Variants in EGLN1 observed in about 807,000 individuals in gnomAD.
EGLN1 encodes egl nine homolog 1.
EGLN1 carries 17 observed loss-of-function variants against 38.3 expected under a neutral mutation model. The ratio of observed to expected loss-of-function variants is 0.44; its 90% CI spans 0.30 to 0.67. The LOEUF is 0.67. Ranked by LOEUF, EGLN1 falls within the 30% of genes least tolerant of loss-of-function variation. The pLI, the probability that EGLN1 is intolerant of heterozygous loss-of-function variation, is 0.08. For missense variants in EGLN1, 477 were observed against 603.3 expected (o/e 0.79, Z 2.19); for synonymous variants, 283 against 257.5 (o/e 1.10, Z -0.95).
intron 1 of EGLN1, among the ~76,000 whole-genome samples, chr1:231,420,607 C>T (rs180982174): frequency 6.6e-6 from 1 of 152,314 alleles, no homozygotes; most frequent in East Asian, 1.9e-4. Flanking sequence ...AAACACAAGG[C>T]AGATGCAGAA....
At chr1:231,415,914 C>T (rs1572053081) in intron 1 of EGLN1, among the ~76,000 whole-genome samples, 1 of 151,358 alleles carries the variant, frequency 6.6e-6, no homozygotes, top group East Asian at 2.0e-4. Context: ...GTGGCACAAT[C>T]CCGGCTCACT....
chr1:231,421,895 G>C lies in EGLN1; in HGVS notation c.-7C>G. On this transcript the variant is annotated 5_prime_UTR_variant, in exon 1 of 5. Transcript: ENST00000366641. The surrounding 1 kb of genome is among the most constrained non-coding windows in gnomAD (Gnocchi z 5.5). ...CGCCGCTGTCATTGGCCATGGCGGCGGCGGCGGCGGCGACGGCGACTGCGG... is the reference window on the plus strand; with the variant it reads ...CGCCGCTGTCATTGGCCATGGCGGCCGCGGCGGCGGCGACGGCGACTGCGG... 7.1e-7 allele frequency: 1 copy of C among 1,413,966 alleles called. No homozygotes were observed. Among genetic ancestry groups the C allele is most frequent in the Non-Finnish European group, 9.1e-7 (1 of 1,093,958 alleles). The allele number at this position is 1,413,966 out of a possible 1,614,324, so 87.6% of individuals were successfully genotyped here.
At chr1:231,382,243 C>T (rs1176097145) in intron 1 of EGLN1, among the ~76,000 whole-genome samples, 1 of 152,056 alleles carries the variant, frequency 6.6e-6, no homozygotes, top group Non-Finnish European at 1.5e-5. Flanking sequence ...AGAAGAGTTA[C>T]GATTTAAATT....
intron 1 of EGLN1, among the ~76,000 whole-genome samples, chr1:231,397,099 G>A (rs953447560): frequency 8.5e-5 from 13 of 152,238 alleles, no homozygotes; most frequent in South Asian, 6.2e-4. Flanking sequence ...TGATGTCACT[G>A]CCCTCCTCTA....
chr1:231,382,698 C>G (rs897887923), intron 1 of EGLN1, among the ~76,000 whole-genome samples: 11 of 152,126 alleles, frequency 7.2e-5, no homozygotes, highest in Non-Finnish European at 8.8e-5. Context: ...TTATTTGATT[C>G]CAATTAGGTT....
At chr1:231,388,808 C>T (rs533291134) in intron 1 of EGLN1, among the ~76,000 whole-genome samples, 86 of 152,268 alleles carry the variant, frequency 5.6e-4, no homozygotes, top group Non-Finnish European at 1.2e-3. Context: ...GCGCCCACCA[C>T]CACGCCCAGC....
chr1:231,391,635 T>A (rs988331627), intron 1 of EGLN1, among the ~76,000 whole-genome samples: 7 of 152,196 alleles, frequency 4.6e-5, no homozygotes, highest in Non-Finnish European at 1.0e-4. Context: ...ATGCTTAAAA[T>A]ACGCATCTTA....
In EGLN1 at chr1:231,376,937, A is replaced by G. The variant is rs573102168; in HGVS notation, c.892-2838T>C. Among the ~76,000 whole-genome samples, 28 of 152,324 alleles carry G rather than the reference A, an allele frequency of 1.8e-4. No homozygotes were observed. In the Middle Eastern group the frequency reaches 0.014, roughly 74 times the overall value. Reference sequence around the variant, plus strand: ...GCTGGAACACAGCGAGCACGGGCCAATGTGATCAGAGAGGAACCAGGTAAC... The same window carrying G: ...GCTGGAACACAGCGAGCACGGGCCAGTGTGATCAGAGAGGAACCAGGTAAC... On this transcript the variant is annotated intron_variant, in intron 1 of 4. Coordinates refer to ENST00000366641, the MANE Select transcript of EGLN1 (RefSeq NM_022051.3).
chr1:231,412,605 A>G (rs1688982214), intron 1 of EGLN1, among the ~76,000 whole-genome samples: 1 of 152,238 alleles, frequency 6.6e-6, no homozygotes, highest in Non-Finnish European at 1.5e-5. Flanking sequence ...AGGCGGTTCC[A>G]CTGGTAGAGC....
Position 231,421,362 on chromosome 1 carries a change from C to A in EGLN1, c.527G>T (p.Gly176Val). The A allele has an allele frequency of 6.2e-7, 1 of 1,609,760 alleles. No homozygotes were observed. The highest frequency in any genetic ancestry group is 8.5e-7 in the Non-Finnish European group (1 of 1,178,106). Residue 176 changes from glycine to valine, a missense_variant, in exon 1 of 5, where the codon GGC (glycine) becomes GTC (valine). This residue lies in a region of EGLN1 where 298 missense variants were observed against 288.9 expected (regional missense o/e 1.03). Transcript: ENST00000366641. This position sits in a 1 kb window ranked among gnomAD's most constrained non-coding sequence, Gnocchi z 5.5. ...SNTPGDALSP[G>V]GGLRPNGQTK... ...CTGCCCGTTGGGCCGCAGGCCGCCG[C>A]CGGGGCTCAGCGCATCCCCGGGCGT...
At chr1:231,416,727 T>C (rs1689092885) in intron 1 of EGLN1, among the ~76,000 whole-genome samples, 1 of 152,190 alleles carries the variant, frequency 6.6e-6, no homozygotes, top group Non-Finnish European at 1.5e-5. Flanking sequence ...AGTTTACATG[T>C]AAACTACACA....
At chr1:231,414,481 C>T (rs1407238000) in intron 1 of EGLN1, among the ~76,000 whole-genome samples, 1 of 152,164 alleles carries the variant, frequency 6.6e-6, no homozygotes, top group Non-Finnish European at 1.5e-5. Context: ...AGTGGGAAGA[C>T]AGCTCCTACT....
intron 1 of EGLN1, among the ~76,000 whole-genome samples, chr1:231,384,806 ACATT>A (rs1688158751): frequency 6.6e-6 from 1 of 152,244 alleles, no homozygotes; most frequent in African/African-American, 2.4e-5. Flanking sequence ...GAATGCAACC[ACATT>A]CATTCAATTA....
At chr1:231,376,602 G>A (rs762846560) in intron 1 of EGLN1, among the ~76,000 whole-genome samples, 1 of 152,052 alleles carries the variant, frequency 6.6e-6, no homozygotes, top group Non-Finnish European at 1.5e-5. Context: ...ACTTGGTCTC[G>A]GAAGGTATTG....
At position 231,422,218 on chromosome 1, in the gene EGLN1, C is replaced by T. The variant is rs1656660876; in HGVS notation, c.-330G>A. The T allele has an allele frequency of 1.6e-5, 3 of 187,024 alleles. No individual in the cohort carries two copies. 11.6% of individuals were successfully genotyped at this position (187,024 alleles called of 1,614,324 possible). A position where few individuals can be genotyped will look rare whatever the true frequency, so the allele number is the denominator to read the frequency against. On this transcript the variant is annotated 5_prime_UTR_variant, in exon 1 of 5. Coordinates refer to ENST00000366641, the MANE Select transcript of EGLN1 (RefSeq NM_022051.3). ...CCGGCCCCCTCGGCCGCCGCCGCCG[C>T]CTCAGCGTCCCGGGCGGCCCGGCCC...
rs189576944 is a variant in EGLN1, at chr1:231,369,679, C to T, written c.1148+883G>A. On this transcript the variant is annotated intron_variant, in intron 3 of 4. Transcript: ENST00000366641. Reference sequence around the variant, plus strand: ...CAGCTGATAATCAAGTCGTTAGAGTCAACCATCATTACTAAAGCCAACTCT... The same window carrying T: ...CAGCTGATAATCAAGTCGTTAGAGTTAACCATCATTACTAAAGCCAACTCT... 139 of 808,222 alleles carry T rather than the reference C, an allele frequency of 1.7e-4. 1 individual carries two copies. The East Asian group carries it at 0.01, about 59-fold the overall frequency. The allele number at this position is 808,222 out of a possible 1,614,324, so 50.1% of individuals were successfully genotyped here.
chr1:231,389,966 A>C (rs114445730), intron 1 of EGLN1, among the ~76,000 whole-genome samples: 2,253 of 151,148 alleles, frequency 0.015, 54 homozygotes, highest in African/African-American at 0.052. Flanking sequence ...AAACAAACAA[A>C]CAACAACAAC....
At chr1:231,403,037 CATAT>C (rs1688701659) in intron 1 of EGLN1, among the ~76,000 whole-genome samples, 1 of 152,090 alleles carries the variant, frequency 6.6e-6, no homozygotes, top group Non-Finnish European at 1.5e-5. Flanking sequence ...TTAATTTCCA[CATAT>C]GAGATTTTCA....
intron 1 of EGLN1, among the ~76,000 whole-genome samples, chr1:231,402,385 C>T (rs1054526654): frequency 6.7e-6 from 1 of 150,360 alleles, no homozygotes; most frequent in African/African-American, 2.4e-5. Context: ...CTTGAGGTCA[C>T]AAGGATTTTT....
Sources: gnomAD v4.1 joint callset for allele counts (sites outside exome capture counted in the v4.1 genomes callset) on GRCh38, gnomAD v4.1.1 for gene constraint, gnomAD v4.1.1 regional missense constraint, Gnocchi (gnomAD v3.1) non-coding constraint, MANE v1.5 for transcripts, NCBI Gene and HGNC (gene_info 2026-07-23, HGNC 2026-07-21) for gene names.